TET3: variants seen among roughly 807,000 people sequenced by gnomAD.
The protein encoded by TET3 is tet methylcytosine dioxygenase 3.
TET3 carries 19 observed loss-of-function variants against 141.4 expected under a neutral mutation model. The ratio of observed to expected loss-of-function variants is 0.13; its 90% CI spans 0.09 to 0.20. The LOEUF (loss-of-function observed/expected upper bound fraction) is 0.20, where lower values mean the gene tolerates loss of function less well. TET3 is among the 10% of genes least tolerant of loss of function. The probability of loss-of-function intolerance (pLI) is 1.00; values close to 1 mark genes in which losing one functional copy is unlikely to be tolerated. For missense variants in TET3, 1,874 were observed against 2,356.9 expected, an observed-to-expected ratio of 0.80 and a Z score of 4.24; for synonymous variants, 1,043 against 980.9, an observed-to-expected ratio of 1.06 and a Z score of -1.18.
intron 5 of TET3, among the ~76,000 whole-genome samples, chr2:74,077,032 G>A (rs1558772719): frequency 6.6e-6 from 1 of 152,306 alleles, no homozygotes; most frequent in South Asian, 2.1e-4. Flanking sequence ...ATCTGAGACC[G>A]GTGCACAGCA....
chr2:74,011,807 G>A (rs560629535), intron 3 of TET3, among the ~76,000 whole-genome samples: 1 of 152,060 alleles, frequency 6.6e-6, no homozygotes, highest in South Asian at 2.1e-4. Context: ...GGAGGCCAAA[G>A]TGGGAGGATC....
intron 10 of TET3, among the ~76,000 whole-genome samples, chr2:74,098,417 A>T (rs921473497): frequency 2.6e-5 from 4 of 152,176 alleles, no homozygotes; most frequent in Non-Finnish European, 4.4e-5. Context: ...ATGTGACCAT[A>T]TGCATAATAC....
chr2:73,984,810 G>A (rs1683912574), upstream of TET3, among the ~76,000 whole-genome samples: 1 of 148,286 alleles, frequency 6.7e-6, no homozygotes, highest in Non-Finnish European at 1.5e-5. This position sits in a 1 kb window ranked among gnomAD's most constrained non-coding sequence, Gnocchi z 5.6. Context: ...CCGGCCCGGG[G>A]CCCGGCCGGG....
chr2:73,991,156 C>G (rs1684301574), intron 2 of TET3, among the ~76,000 whole-genome samples: 1 of 24,170 alleles, frequency 4.1e-5, no homozygotes, highest in South Asian at 9.3e-4. Context: ...TTTGCCCAGG[C>G]TGGTCTTGAA....
chr2:74,087,103 T>C lies in TET3; in HGVS notation c.2680-727T>C, dbSNP rs1360313232. Among the ~76,000 whole-genome samples, 1 of 152,202 alleles carries C rather than the reference T, an allele frequency of 6.6e-6. No individual in the cohort carries two copies. The highest frequency in any genetic ancestry group is 1.5e-5 in the Non-Finnish European group (1 of 68,034). On this transcript the variant is annotated intron_variant, in intron 6 of 11. Coordinates refer to ENST00000409262, the MANE Select transcript of TET3 (RefSeq NM_001287491.2). This position sits in a 1 kb window ranked among gnomAD's most constrained non-coding sequence, Gnocchi z 4.3. ...CCTTTTGTGTCTGGCTTATTTCACA[T>C]AGCATGTTTTTGGGGTTCATCCATG...
rs186951163 is a variant in TET3 at position 74,027,124 on chromosome 2, C to T, written c.361-19154C>T. Among the ~76,000 whole-genome samples the T allele has an allele frequency of 9.2e-5, 14 of 152,278 alleles. No individual in the cohort carries two copies. In the South Asian group the frequency reaches 1.9e-3, roughly 20 times the overall value. On this transcript the variant is annotated intron_variant, in intron 3 of 11. Coordinates refer to ENST00000409262, the MANE Select transcript of TET3 (RefSeq NM_001287491.2). ...AACGAGTTGCAGAGAATGAATTGCA[C>T]GACACTCTTGCCTTTCCCTTTCCTC...
intron 3 of TET3, among the ~76,000 whole-genome samples, chr2:74,038,807 G>A (rs949650338): frequency 1.3e-5 from 2 of 152,298 alleles, no homozygotes; most frequent in East Asian, 1.9e-4. Flanking sequence ...ACACTCTTAC[G>A]AAAAGATCCC....
the TET3 span, among the ~76,000 whole-genome samples, chr2:74,131,850 C>T: frequency 1.3e-4 from 19 of 150,366 alleles, no homozygotes; most frequent in Admixed American, 9.3e-4. Flanking sequence ...TTTTCTAATC[C>T]GTCAATTAAA....
chr2:73,989,874 C>T (rs945997797), intron 2 of TET3, among the ~76,000 whole-genome samples: 2 of 152,102 alleles, frequency 1.3e-5, no homozygotes, highest in African/African-American at 2.4e-5. Flanking sequence ...TGCCCTTACT[C>T]TCTTGGGCAA....
chr2:73,991,671 C>A (rs1255027205), intron 2 of TET3, among the ~76,000 whole-genome samples: 2 of 151,984 alleles, frequency 1.3e-5, no homozygotes, highest in East Asian at 3.9e-4. Context: ...CAGGGTGGAC[C>A]AAACTGGTCT....
intron 6 of TET3, 84 bp downstream of exon 6, chr2:74,080,675 T>G: frequency 8.4e-6 from 6 of 715,896 alleles, no homozygotes; most frequent in South Asian, 3.4e-5. Context: ...TTCCCCTTGC[T>G]GCATGTAGCT....
chr2:74,009,901 G>A (rs1685337378), intron 3 of TET3, among the ~76,000 whole-genome samples: 1 of 152,210 alleles, frequency 6.6e-6, no homozygotes, highest in African/African-American at 2.4e-5. Flanking sequence ...GGTGGCATAG[G>A]GGCCTCAGGT....
intron 3 of TET3, among the ~76,000 whole-genome samples, chr2:74,043,546 T>C (rs901207879): frequency 3.3e-5 from 5 of 152,050 alleles, no homozygotes; most frequent in Non-Finnish European, 5.9e-5. Flanking sequence ...GATAATTCTA[T>C]GTAGTAGGTA....
rs567071971 is a variant in TET3 at position 74,068,266 on chromosome 2, C to T, written c.2495-5283C>T. On this transcript the variant is annotated intron_variant, in intron 4 of 11. Coordinates refer to ENST00000409262, the MANE Select transcript of TET3 (RefSeq NM_001287491.2). ...CTTTTACTCTGCTATTCTTAGAGTT[C>T]GTAATGACATATGTATATACCTTTA... is the stretch of plus-strand genomic sequence containing the variant. Among the ~76,000 whole-genome samples the T allele has an allele frequency of 2.0e-5, 3 of 151,130 alleles. No homozygotes were observed. The South Asian group carries it at 6.2e-4, about 31-fold the overall frequency.
rs745356367 is a variant in TET3 at position 74,100,809 on chromosome 2, C to T, written c.4021C>T (p.Pro1341Ser). Reference sequence around the variant, plus strand: ...CGGTGGTGCTGAGTTTGCCGAGCTGCCCAGCCAGGCTGTTCCCACAGACGC... The same window carrying T: ...CGGTGGTGCTGAGTTTGCCGAGCTGTCCAGCCAGGCTGTTCCCACAGACGC... ...AYGGAEFAEL[P>S]SQAVPTDAHH... Residue 1341 changes from proline to serine, a missense_variant, in exon 12 of 12, where the codon CCC becomes TCC. Pro to Ser is a moderately conservative substitution (Grantham distance 74, BLOSUM62 -1). Coordinates refer to ENST00000409262, the MANE Select transcript of TET3 (RefSeq NM_001287491.2). The T allele has an allele frequency of 1.2e-6, 2 of 1,612,738 alleles. No individual in the cohort carries two copies. The highest frequency in any genetic ancestry group is 3.3e-5 in the Admixed American group (2 of 59,826).
At chr2:74,009,587 T>C (rs182089018) in intron 3 of TET3, among the ~76,000 whole-genome samples, 84 of 152,316 alleles carry the variant, frequency 5.5e-4, no homozygotes, top group African/African-American at 1.8e-3. Context: ...GTCCAAGAGA[T>C]GTCCACCATA....
At chr2:74,062,710 T>C (rs1023902613) in intron 4 of TET3, among the ~76,000 whole-genome samples, 1 of 151,974 alleles carries the variant, frequency 6.6e-6, no homozygotes, top group Non-Finnish European at 1.5e-5. Context: ...ATGGAAAACA[T>C]AAAATGCCGG....
intron 4 of TET3, among the ~76,000 whole-genome samples, chr2:74,054,756 G>A (rs1407216629): frequency 6.6e-6 from 1 of 152,206 alleles, no homozygotes; most frequent in African/African-American, 2.4e-5. Flanking sequence ...AAGGTCGGGA[G>A]GGCTAACAGC....
chr2:74,097,469 C>A (rs1017385761), intron 10 of TET3, among the ~76,000 whole-genome samples: 89 of 152,126 alleles, frequency 5.9e-4, no homozygotes, highest in African/African-American at 2.1e-3. Flanking sequence ...TGATTTTAAT[C>A]GGATATGGTA....
Sources: allele counts gnomAD v4.1 joint callset (sites outside exome capture counted in the v4.1 genomes callset), GRCh38; gene constraint gnomAD v4.1.1; non-coding constraint Gnocchi (gnomAD v3.1); transcripts MANE v1.5; gene names NCBI Gene and HGNC (gene_info 2026-07-23, HGNC 2026-07-21).